Variants in PPM1E observed in about 807,000 individuals in gnomAD.
The protein encoded by PPM1E is protein phosphatase 1E.
A neutral mutation model predicts 65.9 loss-of-function variants in PPM1E; 20 were observed. The ratio of observed to expected loss-of-function variants is 0.30; its 90% CI spans 0.21 to 0.44. PPM1E has a LOEUF of 0.44. Ranked by LOEUF, PPM1E falls within the 20% of genes least tolerant of loss-of-function variation. The pLI, the probability that PPM1E is intolerant of heterozygous loss-of-function variation, is 1.00. For synonymous variants in PPM1E, 352 were observed against 374.9 expected (o/e 0.94, Z 0.70); for missense variants, 713 against 953.1 (o/e 0.75, Z 3.32).
At chr17:58,823,889 C>A (rs1406225363) in intron 1 of PPM1E, among the ~76,000 whole-genome samples, 1 of 152,036 alleles carries the variant, frequency 6.6e-6, no homozygotes, top group Non-Finnish European at 1.5e-5. Context: ...CGCCACCACA[C>A]CCGGCTAATT....
At chr17:58,794,129 G>C (rs759323537) in intron 1 of PPM1E, among the ~76,000 whole-genome samples, 1 of 152,134 alleles carries the variant, frequency 6.6e-6, no homozygotes, top group Non-Finnish European at 1.5e-5. Flanking sequence ...TTTTTTAGTA[G>C]AGACAGGGTT....
intron 1 of PPM1E, among the ~76,000 whole-genome samples, chr17:58,926,174 C>T (rs1481600842): frequency 6.6e-6 from 1 of 151,918 alleles, no homozygotes; most frequent in Non-Finnish European, 1.5e-5. Flanking sequence ...AACCCTGTCT[C>T]TACTAAAAAT....
At chr17:58,839,564 T>A (rs556477978) in intron 1 of PPM1E, among the ~76,000 whole-genome samples, 95 of 152,280 alleles carry the variant, frequency 6.2e-4, no homozygotes, top group African/African-American at 2.2e-3. Context: ...CTGCATGGGT[T>A]TATAGGTTAA....
intron 1 of PPM1E, among the ~76,000 whole-genome samples, chr17:58,917,105 G>A (rs1343908153): frequency 6.6e-6 from 1 of 151,906 alleles, no homozygotes; most frequent in Non-Finnish European, 1.5e-5. Context: ...AACTACTCGG[G>A]AGGCTGAGGC....
intron 1 of PPM1E, among the ~76,000 whole-genome samples, chr17:58,805,975 AAAAAAAAAACAAAACAAAAC>A (rs2050306671): frequency 5.0e-5 from 5 of 99,646 alleles, no homozygotes; most frequent in East Asian, 3.3e-4. Flanking sequence ...AAAAAAAAAC[AAAAAAAAAACAAAACAAAAC>A]AAAACAAAAA....
intron 2 of PPM1E, among the ~76,000 whole-genome samples, chr17:58,962,927 A>AT (rs991418856): frequency 2.6e-5 from 4 of 151,332 alleles, no homozygotes; most frequent in African/African-American, 9.7e-5. Context: ...AACAAAAAAA[A>AT]TTTTTTTTTA....
chr17:58,798,526 T>G (rs1567836847), intron 1 of PPM1E, among the ~76,000 whole-genome samples: 1 of 122,240 alleles, frequency 8.2e-6, no homozygotes, highest in South Asian at 2.6e-4. Flanking sequence ...CACGGCCCTA[T>G]TTTTTTTTTT....
chr17:58,787,225 T>C lies in PPM1E; in HGVS notation c.464+30764T>C, dbSNP rs574680832. ...AAATGGCAAAGATGGCATACAGGGC[T>C]GTGTGACTCTCAAACCTCAGTGGCT... On this transcript the variant is annotated intron_variant, in intron 1 of 6. Coordinates refer to ENST00000308249, the MANE Select transcript of PPM1E (RefSeq NM_014906.5). Among the ~76,000 whole-genome samples, 4 of 152,206 alleles carry C rather than the reference T, an allele frequency of 2.6e-5. No individual in the cohort carries two copies. The East Asian group carries it at 5.8e-4, about 22-fold the overall frequency.
At chr17:58,771,859 T>G (rs763868788) in intron 1 of PPM1E, among the ~76,000 whole-genome samples, 1 of 152,152 alleles carries the variant, frequency 6.6e-6, no homozygotes, top group Non-Finnish European at 1.5e-5. Context: ...TGCTACTTAT[T>G]CAGAGATAAA....
intron 6 of PPM1E, among the ~76,000 whole-genome samples, chr17:58,977,071 A>T (rs936943704): frequency 6.6e-6 from 1 of 152,174 alleles, no homozygotes; most frequent in African/African-American, 2.4e-5. Context: ...CTAACAGGCT[A>T]TGGAGGCACC....
At chr17:58,932,212 T>C (rs894218794) in intron 1 of PPM1E, among the ~76,000 whole-genome samples, 1 of 152,164 alleles carries the variant, frequency 6.6e-6, no homozygotes, top group African/African-American at 2.4e-5. Flanking sequence ...CTCACGCCTG[T>C]AATCCCAGCA....
At chr17:58,870,344 A>C (rs903840387) in intron 1 of PPM1E, among the ~76,000 whole-genome samples, 1 of 152,166 alleles carries the variant, frequency 6.6e-6, no homozygotes, top group Non-Finnish European at 1.5e-5. Flanking sequence ...TTTTAGAGCC[A>C]GCTTTTATTT....
At chr17:58,920,786 A>G (rs999343867) in intron 1 of PPM1E, among the ~76,000 whole-genome samples, 1 of 152,216 alleles carries the variant, frequency 6.6e-6, no homozygotes, top group Non-Finnish European at 1.5e-5. Flanking sequence ...AATGGGAGTC[A>G]TCAGCATATA....
intron 1 of PPM1E, among the ~76,000 whole-genome samples, chr17:58,876,101 C>T (rs2051123920): frequency 6.6e-6 from 1 of 152,072 alleles, no homozygotes; most frequent in South Asian, 2.1e-4. Flanking sequence ...TTTTTCTTTG[C>T]ATCTAAAATT....
In PPM1E at chr17:58,909,342, G is replaced by T. The variant is rs534565059; in HGVS notation, c.465-46307G>T. ...GCATGATCATAGTTCACCATAACCT[G>T]AACTCCTGGGCTCAAGCAATCCTCC... On this transcript the variant is annotated intron_variant, in intron 1 of 6. Coordinates refer to ENST00000308249, the MANE Select transcript of PPM1E (RefSeq NM_014906.5). Among the ~76,000 whole-genome samples, 64 of 152,084 alleles carry T rather than the reference G, an allele frequency of 4.2e-4. 1 individual carries two copies. Among genetic ancestry groups the T allele is most frequent in the Non-Finnish European group, 7.5e-4 (51 of 67,968 alleles).
chr17:58,864,237 A>G (rs1436576796), intron 1 of PPM1E, among the ~76,000 whole-genome samples: 2 of 152,142 alleles, frequency 1.3e-5, no homozygotes, highest in Non-Finnish European at 2.9e-5. Context: ...AAATATTAGC[A>G]GTTATTTCTT....
At chr17:58,949,004 C>CTG (rs2052200747) in intron 1 of PPM1E, among the ~76,000 whole-genome samples, 1 of 152,140 alleles carries the variant, frequency 6.6e-6, no homozygotes, top group South Asian at 2.1e-4. Context: ...GTGAAATGTT[C>CTG]TGTAAATGTC....
At chr17:58,850,222 C>G (rs1282966666) in intron 1 of PPM1E, among the ~76,000 whole-genome samples, 1 of 152,080 alleles carries the variant, frequency 6.6e-6, no homozygotes, top group Non-Finnish European at 1.5e-5. Flanking sequence ...GGTCTTGACT[C>G]TTTATCCAAT....
chr17:58,802,110 G>C (rs2050264408), intron 1 of PPM1E, among the ~76,000 whole-genome samples: 1 of 152,094 alleles, frequency 6.6e-6, no homozygotes, highest in East Asian at 1.9e-4. Context: ...TATTGCCAAG[G>C]CCAGTTGTCA....
Sources: gnomAD v4.1 joint callset for allele counts (sites outside exome capture counted in the v4.1 genomes callset) on GRCh38, gnomAD v4.1.1 for gene constraint, MANE v1.5 for transcripts, NCBI Gene and HGNC (gene_info 2026-07-23, HGNC 2026-07-21) for gene names.